PRSS16: variants seen among roughly 807,000 people sequenced by gnomAD.
PRSS16 encodes serine protease 16.
Under a neutral mutation model 61.7 loss-of-function variants are expected in PRSS16, and 43 were observed. That is an observed-to-expected ratio of 0.70 (90% CI 0.55 to 0.90). The LOEUF (loss-of-function observed/expected upper bound fraction) is 0.90, where lower values mean the gene tolerates loss of function less well. PRSS16 is among the 40% of genes least tolerant of loss of function. The pLI is 0.00. For synonymous variants in PRSS16, 273 were observed against 285.2 expected (o/e 0.96, Z 0.43); for missense variants, 591 against 659.1 (o/e 0.90, Z 1.13).
rs774276992 is a variant in PRSS16, at chr6:27,251,170, G to C, written c.670-47G>C. 1.9e-6 allele frequency: 3 copies of C among 1,613,890 alleles called. No individual in the cohort carries two copies. Among genetic ancestry groups the C allele is most frequent in the Admixed American group, 3.3e-5 (2 of 60,010 alleles). On this transcript the variant is annotated intron_variant, in intron 6 of 11. Coordinates refer to ENST00000230582, the MANE Select transcript of PRSS16 (RefSeq NM_005865.4). This position sits in a 1 kb window ranked among gnomAD's most constrained non-coding sequence, Gnocchi z 5.6. Reference sequence around the variant, plus strand: ...GGACGGGGAGGGGTCCCAGCGGGCGGAGTCCCTTGACACTTCCGGATACCT... The same window carrying C: ...GGACGGGGAGGGGTCCCAGCGGGCGCAGTCCCTTGACACTTCCGGATACCT...
At chr6:27,248,807 T>A in intron 2 of PRSS16, 40 bp from the exon 3 acceptor site, 2 of 1,362,328 alleles carry the variant, frequency 1.5e-6, no homozygotes. Context: ...AAGTCAGGAC[T>A]CTCACAGTGC....
In PRSS16 at chr6:27,255,046, C is replaced by T; in HGVS notation, c.1391C>T (p.Thr464Ile). Residue 464 changes from threonine (T) to isoleucine (I), a missense_variant, in exon 11 of 12, where the codon ACT becomes ATT. By Grantham distance (89) the Thr-to-Ile change is moderately conservative (BLOSUM62 -1). Coordinates refer to ENST00000230582, the MANE Select transcript of PRSS16 (RefSeq NM_005865.4). This position sits in a 1 kb window ranked among gnomAD's most constrained non-coding sequence, Gnocchi z 4.4. ...VTQALGSSES[T>I]LLIRTGSHCL... ...CAGGCTTTAGGATCCTCAGAATCAA[C>T]TCTTCTTATCCGCACTGGCTCCCAC... The T allele has an allele frequency of 1.2e-6, 2 of 1,614,000 alleles. No homozygotes were observed. Among genetic ancestry groups the T allele is most frequent in the Middle Eastern group, 1.6e-4 (1 of 6,062 alleles).
chr6:27,253,372 G>C (rs908488500), intron 9 of PRSS16: 5 of 362,462 alleles, frequency 1.4e-5, no homozygotes, highest in Non-Finnish European at 2.2e-5. Context: ...TACCTCTGCT[G>C]TCCTGCTGGG....
At position 27,251,426 on chromosome 6, in the gene PRSS16, C is replaced by A; in HGVS notation, c.717+162C>A. 1 of 953,282 alleles carries A rather than the reference C, an allele frequency of 1.0e-6. No individual in the cohort carries two copies. Among genetic ancestry groups the A allele is most frequent in the Non-Finnish European group, 1.5e-6 (1 of 663,452 alleles). 59.1% of individuals were successfully genotyped at this position (953,282 alleles called of 1,614,324 possible). On this transcript the variant is annotated intron_variant, in intron 7 of 11. Coordinates refer to ENST00000230582, the MANE Select transcript of PRSS16 (RefSeq NM_005865.4). The surrounding 1 kb of genome is among the most constrained non-coding windows in gnomAD (Gnocchi z 5.6). ...GGTTTTGGAAGAAGGCGGGAGCTGA[C>A]GAAGAGGAGGGGCACCAGGAAAAGA... is the stretch of plus-strand genomic sequence containing the variant.
At position 27,252,091 on chromosome 6, in the gene PRSS16, C is replaced by T; in HGVS notation, c.1008+51C>T. On this transcript the variant is annotated intron_variant, in intron 8 of 11. Coordinates refer to ENST00000230582, the MANE Select transcript of PRSS16 (RefSeq NM_005865.4). This position sits in a 1 kb window ranked among gnomAD's most constrained non-coding sequence, Gnocchi z 4.2. ...AGGAGTTAGCGGACAAAGATTCCTG[C>T]CCCACTTCCGTTGTGTGATCTTGGG... The T allele has an allele frequency of 6.9e-7, 1 of 1,439,182 alleles. No individual in the cohort carries two copies. The highest frequency in any genetic ancestry group is 9.1e-7 in the Non-Finnish European group (1 of 1,100,834). 89.2% of individuals were successfully genotyped at this position (1,439,182 alleles called of 1,614,324 possible).
At chr6:27,249,423 G>C (rs781374089) in intron 4 of PRSS16, among the ~76,000 whole-genome samples, 194 bp downstream of exon 4, 40 of 151,986 alleles carry the variant, frequency 2.6e-4, no homozygotes, top group Middle Eastern at 3.2e-3. Context: ...CTCCCTATCT[G>C]TCTTTCTCTT....
intron 9 of PRSS16, chr6:27,253,547 G>A (rs1009109220): frequency 3.7e-5 from 16 of 432,178 alleles, no homozygotes; most frequent in African/African-American, 3.1e-4. Flanking sequence ...AAGACCCCAG[G>A]GTAGTGTTGC....
At chr6:27,254,400 T>G (rs574278385) in intron 9 of PRSS16, 5 of 340,270 alleles carry the variant, frequency 1.5e-5, no homozygotes, top group Non-Finnish European at 2.7e-5. Context: ...TCTATCTTTG[T>G]TTGGCTCAGT....
intron 4 of PRSS16, among the ~76,000 whole-genome samples, chr6:27,249,668 A>G (rs2113727514): frequency 6.6e-6 from 1 of 152,344 alleles, no homozygotes. Context: ...AAGTAAAGCA[A>G]TTTTGACTGT....
intron 9 of PRSS16, chr6:27,253,610 T>G: frequency 3.9e-6 from 1 of 258,676 alleles, no homozygotes; most frequent in Non-Finnish European, 8.0e-6. Context: ...ATACAACAGA[T>G]TTTTTTTTAG....
At position 27,254,528 on chromosome 6, in the gene PRSS16, A is replaced by G. The variant is rs192559837; in HGVS notation, c.1151-165A>G. 686 of 670,234 alleles carry G rather than the reference A, an allele frequency of 1.0e-3. 1 individual carries two copies. Among genetic ancestry groups the G allele is most frequent in the Middle Eastern group, 3.3e-3 (8 of 2,410 alleles). The allele number at this position is 670,234 out of a possible 1,614,324, so 41.5% of individuals were successfully genotyped here. On this transcript the variant is annotated intron_variant, in intron 9 of 11. Coordinates refer to ENST00000230582, the MANE Select transcript of PRSS16 (RefSeq NM_005865.4). ...ATCACAGCCCTGATCACTGTGGGCTATCACTGTCAGGGGACTGTGTGAGTC... is the reference window on the plus strand; with the variant it reads ...ATCACAGCCCTGATCACTGTGGGCTGTCACTGTCAGGGGACTGTGTGAGTC...
intron 9 of PRSS16, chr6:27,253,369 G>A: frequency 2.8e-6 from 1 of 355,584 alleles, no homozygotes; most frequent in Admixed American, 3.5e-5. Flanking sequence ...GCCTACCTCT[G>A]CTGTCCTGCT....
intron 2 of PRSS16, 55 bp from the exon 3 acceptor site, chr6:27,248,792 A>T (rs1761273053): frequency 8.6e-7 from 1 of 1,164,472 alleles, no homozygotes; most frequent in East Asian, 2.4e-5. Context: ...TGAGGAATTG[A>T]GAATAAGTCA....
chr6:27,248,063 C>G lies in PRSS16; in HGVS notation c.237+15C>G, dbSNP rs368344133. ...CCTTCCTACAGGTGAGGCCGGGAGACGGGGAGTCCACTAACCATCCTGCCC... is the reference window on the plus strand; with the variant it reads ...CCTTCCTACAGGTGAGGCCGGGAGAGGGGGAGTCCACTAACCATCCTGCCC... On this transcript the variant is annotated intron_variant, in intron 2 of 11. Coordinates refer to ENST00000230582, the MANE Select transcript of PRSS16 (RefSeq NM_005865.4). 4 of 1,609,462 alleles carry G rather than the reference C, an allele frequency of 2.5e-6. No individual in the cohort carries two copies. The highest frequency in any genetic ancestry group is 3.4e-6 in the Non-Finnish European group (4 of 1,178,006).
At position 27,255,040 on chromosome 6, in the gene PRSS16, A is replaced by C; in HGVS notation, c.1385A>C (p.Glu462Ala). The change falls in exon 11 of 12, where the codon GAA becomes GCA. Residue 462 changes from glutamate to alanine, a missense_variant. By Grantham distance (107) the Glu-to-Ala change is moderately radical. Transcript: ENST00000230582. This position sits in a 1 kb window ranked among gnomAD's most constrained non-coding sequence, Gnocchi z 4.4. ...LSVTQALGSS[E>A]STLLIRTGSH... is the part of the protein sequence containing the mutation. ...GTAACACAGGCTTTAGGATCCTCAGAATCAACTCTTCTTATCCGCACTGGC... is the reference window on the plus strand; with the variant it reads ...GTAACACAGGCTTTAGGATCCTCAGCATCAACTCTTCTTATCCGCACTGGC... The C allele has an allele frequency of 6.2e-7, 1 of 1,613,846 alleles. No individual in the cohort carries two copies. Among genetic ancestry groups the C allele is most frequent in the Non-Finnish European group, 8.5e-7 (1 of 1,179,796 alleles).
At chr6:27,250,580 GATTCACCC>G in intron 4 of PRSS16, 95 bp from the exon 5 acceptor site, 1 of 1,482,496 alleles carries the variant, frequency 6.7e-7, no homozygotes, top group Non-Finnish European at 9.0e-7. Flanking sequence ...TTTCTGGCCA[GATTCACCC>G]ATTCATGTCT....
chr6:27,251,887 G>T lies in PRSS16; in HGVS notation c.855G>T (p.Leu285Phe). 2 of 1,613,436 alleles carry T rather than the reference G, an allele frequency of 1.2e-6. No homozygotes were observed. The highest frequency in any genetic ancestry group is 1.1e-5 in the South Asian group (1 of 91,044). The change falls in exon 8 of 12, where the codon TTG (leucine) becomes TTT (phenylalanine). Residue 285 changes from leucine (L) to phenylalanine (F), a missense_variant. Physicochemically the swap from Leu to Phe is conservative, Grantham distance 22. Transcript: ENST00000230582. The surrounding 1 kb of genome is among the most constrained non-coding windows in gnomAD (Gnocchi z 5.6). ...LGRAENQAEL[L>F]GALQALVGGV... ...GCGCTGAAAACCAGGCGGAGCTGTT[G>T]GGGGCGCTGCAGGCACTGGTGGGAG...
chr6:27,251,128 G>A lies in PRSS16; in HGVS notation c.669+9G>A. On this transcript the variant is annotated intron_variant, in intron 6 of 11. Transcript: ENST00000230582. The surrounding 1 kb of genome is among the most constrained non-coding windows in gnomAD (Gnocchi z 5.6). ...TCTCCGAGTATAATGACGTAAGGAT[G>A]GCGGGCAGCAGGTGCGGGACGGGGA... 5 of 1,614,082 alleles carry A rather than the reference G, an allele frequency of 3.1e-6. No homozygotes were observed. The highest frequency in any genetic ancestry group is 3.4e-6 in the Non-Finnish European group (4 of 1,180,046).
In PRSS16 at chr6:27,248,908, G is replaced by C. The variant is rs560272130; in HGVS notation, c.299G>C (p.Gly100Ala). The change falls in exon 3 of 12, where the codon GGG becomes GCG. Residue 100 changes from glycine to alanine, a missense_variant. Transcript: ENST00000230582. ...GQDGPIFLHL[G>A]GEGSLGPGSV... is the part of the protein sequence containing the mutation. The stretch of plus-strand genomic sequence containing the variant: ...GATGGACCCATATTCCTGCATCTAG[G>C]GGGTGAGGGCAGCCTTGGGCCTGGC... 10 of 1,613,056 alleles carry C rather than the reference G, an allele frequency of 6.2e-6. No homozygotes were observed. The highest frequency in any genetic ancestry group is 7.6e-6 in the Non-Finnish European group (9 of 1,179,436).
Sources: allele counts gnomAD v4.1 joint callset (sites outside exome capture counted in the v4.1 genomes callset), GRCh38; gene constraint gnomAD v4.1.1; non-coding constraint Gnocchi (gnomAD v3.1); transcripts MANE v1.5; gene names NCBI Gene and HGNC (gene_info 2026-07-23, HGNC 2026-07-21).